CAMKMT: variants seen among roughly 807,000 people sequenced by gnomAD.
CAMKMT encodes the protein calmodulin-lysine N-methyltransferase, also known as CaM KMT.
CAMKMT carries 53 observed loss-of-function variants against 48.0 expected under a neutral mutation model. That is an observed-to-expected ratio of 1.10 (90% confidence interval 0.89 to 1.39). The LOEUF (loss-of-function observed/expected upper bound fraction) is 1.39. CAMKMT is among the 40% of genes most tolerant of loss of function. The pLI, the probability that CAMKMT is intolerant of heterozygous loss-of-function variation, is 0.00. For synonymous variants in CAMKMT, 165 were observed against 152.3 expected, an observed-to-expected ratio of 1.08 and a Z score of -0.61; for missense variants, 428 against 402.7, an observed-to-expected ratio of 1.06 and a Z score of -0.54.
intron 3 of CAMKMT, among the ~76,000 whole-genome samples, chr2:44,603,779 C>A (rs542760406): frequency 6.6e-6 from 1 of 152,258 alleles, no homozygotes; most frequent in African/African-American, 2.4e-5. Flanking sequence ...TGCATTCTTT[C>A]AATTCAAAGT....
chr2:44,548,854 C>T (rs1452529646), intron 3 of CAMKMT, among the ~76,000 whole-genome samples: 1 of 152,162 alleles, frequency 6.6e-6, no homozygotes, highest in Admixed American at 6.5e-5. Flanking sequence ...TTTTTAGAGC[C>T]TCCAGATGAG....
chr2:44,661,414 C>A (rs1674674114), intron 3 of CAMKMT, among the ~76,000 whole-genome samples: 1 of 140,046 alleles, frequency 7.1e-6, no homozygotes. Flanking sequence ...TTCCTGGGTT[C>A]AAGCGATTCT....
At chr2:44,704,233 T>G in intron 3 of CAMKMT, 50 bp from the exon 4 acceptor site, 1 of 1,486,010 alleles carries the variant, frequency 6.7e-7, no homozygotes, top group Middle Eastern at 1.8e-4. Context: ...AGCCGTTTCT[T>G]AAAAGAATGA....
Position 44,668,426 on chromosome 2 carries a change from C to G in CAMKMT, c.377-35857C>G, listed in dbSNP as rs184797790. Among the ~76,000 whole-genome samples, 10 of 152,328 alleles carry G rather than the reference C, an allele frequency of 6.6e-5. No homozygotes were observed. The East Asian group carries it at 1.7e-3, about 26-fold the overall frequency. On this transcript the variant is annotated intron_variant, in intron 3 of 10. Coordinates refer to ENST00000378494, the MANE Select transcript of CAMKMT (RefSeq NM_024766.5). ...TTCCTTCATTACCACATTCCTCTCTCTGCTGATCGACTCCTATCACCATAA... is the reference window on the plus strand; with the variant it reads ...TTCCTTCATTACCACATTCCTCTCTGTGCTGATCGACTCCTATCACCATAA...
At chr2:44,681,089 C>G (rs1274486221) in intron 3 of CAMKMT, among the ~76,000 whole-genome samples, 1 of 152,142 alleles carries the variant, frequency 6.6e-6, no homozygotes, top group African/African-American at 2.4e-5. Context: ...CCTCACATAT[C>G]AGTCTATTCA....
rs373211145 is a variant in CAMKMT, at chr2:44,652,520, A to G, written c.377-51763A>G. 1.5e-4 allele frequency among the ~76,000 whole-genome samples: 23 copies of G among 152,282 alleles called. No individual in the cohort carries two copies. The East Asian group carries it at 1.9e-3, about 13-fold the overall frequency. ...ACAGGTAAAGCTTGATTATGCCTCTATGGTTGACTAGGCTTTGAATTCACT... is the reference window on the plus strand; with the variant it reads ...ACAGGTAAAGCTTGATTATGCCTCTGTGGTTGACTAGGCTTTGAATTCACT... On this transcript the variant is annotated intron_variant, in intron 3 of 10. Coordinates refer to ENST00000378494, the MANE Select transcript of CAMKMT (RefSeq NM_024766.5).
chr2:44,412,726 T>G (rs1305886175), intron 3 of CAMKMT, among the ~76,000 whole-genome samples: 1 of 152,112 alleles, frequency 6.6e-6, no homozygotes, highest in Non-Finnish European at 1.5e-5. Flanking sequence ...AAGCAGTAAC[T>G]TAAGCAATAG....
At chr2:44,715,051 G>T (rs184288781) in intron 6 of CAMKMT, among the ~76,000 whole-genome samples, 17 of 152,118 alleles carry the variant, frequency 1.1e-4, no homozygotes, top group Admixed American at 1.0e-3. Flanking sequence ...AAATTAGCTG[G>T]GTGTGGTGGC....
At position 44,443,136 on chromosome 2, in the gene CAMKMT, T is replaced by A. The variant is rs185423998; in HGVS notation, c.376+52831T>A. 3.3e-5 allele frequency among the ~76,000 whole-genome samples: 5 copies of A among 152,332 alleles called. No homozygotes were observed. In the East Asian group the frequency reaches 5.8e-4, roughly 18 times the overall value. Reference sequence around the variant, plus strand: ...AATAAATAATTAGACTCATTTCACATCAAAATCTAAAGTGTGAAAAAATGT... The same window carrying A: ...AATAAATAATTAGACTCATTTCACAACAAAATCTAAAGTGTGAAAAAATGT... On this transcript the variant is annotated intron_variant, in intron 3 of 10. Transcript: ENST00000378494.
At chr2:44,446,928 T>A (rs890438444) in intron 3 of CAMKMT, among the ~76,000 whole-genome samples, 3 of 152,246 alleles carry the variant, frequency 2.0e-5, no homozygotes, top group Non-Finnish European at 4.4e-5. Context: ...GGGCTTTTCC[T>A]TATTCCTTTT....
intron 3 of CAMKMT, among the ~76,000 whole-genome samples, chr2:44,443,803 G>C (rs1176388137): frequency 6.6e-6 from 1 of 152,176 alleles, no homozygotes; most frequent in African/African-American, 2.4e-5. Flanking sequence ...GCAGCTCTGC[G>C]AAGGGAGTTC....
At chr2:44,715,394 G>T in intron 7 of CAMKMT, 41 bp downstream of exon 7, 1 of 1,451,562 alleles carries the variant, frequency 6.9e-7, no homozygotes, top group South Asian at 1.2e-5. Flanking sequence ...CATTGAAATT[G>T]CTTTTCTTGA....
chr2:44,643,782 T>C (rs1174803294), intron 3 of CAMKMT, among the ~76,000 whole-genome samples: 1 of 152,226 alleles, frequency 6.6e-6, no homozygotes, highest in Non-Finnish European at 1.5e-5. Context: ...CAACTTTAGT[T>C]ATATCTTTTC....
rs115706444 is a variant in CAMKMT, at chr2:44,391,640, T to G, written c.376+1335T>G. ...AAATGTGGAATTTTTGATTCAGTAA[T>G]GTAAAAGTCAAGTATTGTTCCCAGT... is the stretch of plus-strand genomic sequence containing the variant. On this transcript the variant is annotated intron_variant, in intron 3 of 10. Coordinates refer to ENST00000378494, the MANE Select transcript of CAMKMT (RefSeq NM_024766.5). Among the ~76,000 whole-genome samples the G allele has an allele frequency of 9.8e-3, 1,488 of 152,250 alleles. 15 individuals carry two copies. Among genetic ancestry groups the G allele is most frequent in the Non-Finnish European group, 0.015 (1,049 of 68,004 alleles).
intron 3 of CAMKMT, among the ~76,000 whole-genome samples, chr2:44,628,870 G>C (rs1056499675): frequency 2.0e-5 from 3 of 151,932 alleles, no homozygotes; most frequent in African/African-American, 7.3e-5. Flanking sequence ...TTTTAGTTTG[G>C]TCAGAGAATA....
rs1358799957 is a variant in CAMKMT, at chr2:44,503,952, AAG to A, written c.376+113650_376+113651del. 2.0e-5 allele frequency among the ~76,000 whole-genome samples: 3 copies of A among 149,442 alleles called. No homozygotes were observed. The East Asian group carries it at 6.0e-4, about 30-fold the overall frequency. ...ATTTACTTGTGGAGAGAGGTAGAGA[AAG>A]AGGAAAAGAGAGAGGGGAAGAGCGG... On this transcript the variant is annotated intron_variant, in intron 3 of 10. Coordinates refer to ENST00000378494, the MANE Select transcript of CAMKMT (RefSeq NM_024766.5).
At chr2:44,708,412 GCT>G (rs1180670222) in intron 6 of CAMKMT, among the ~76,000 whole-genome samples, 1 of 151,682 alleles carries the variant, frequency 6.6e-6, no homozygotes, top group African/African-American at 2.4e-5. Context: ...TCATCAAGCT[GCT>G]CAAACAGGAG....
chr2:44,745,657 CT>C (rs1679887094), intron 8 of CAMKMT, among the ~76,000 whole-genome samples: 1 of 151,088 alleles, frequency 6.6e-6, no homozygotes, highest in Non-Finnish European at 1.5e-5. Flanking sequence ...TTTTTTTCCC[CT>C]GGGTGTTGTA....
At chr2:44,750,694 C>T (rs1680119194) in intron 8 of CAMKMT, among the ~76,000 whole-genome samples, 1 of 152,102 alleles carries the variant, frequency 6.6e-6, no homozygotes, top group Admixed American at 6.5e-5. Context: ...CAGCTGTTTT[C>T]CAAATGTTAT....
Sources: gnomAD v4.1 joint callset for allele counts (sites outside exome capture counted in the v4.1 genomes callset) on GRCh38, gnomAD v4.1.1 for gene constraint, MANE v1.5 for transcripts, NCBI Gene and HGNC (gene_info 2026-07-23, HGNC 2026-07-21) for gene names.